MYO5A: variants seen among roughly 807,000 people sequenced by gnomAD.
The protein encoded by MYO5A is myosin VA.
In MYO5A, 98 loss-of-function variants were observed where a neutral mutation model predicts 249.7. The observed-to-expected ratio is 0.39, with a 90% CI of 0.33 to 0.46. The LOEUF (loss-of-function observed/expected upper bound fraction) is 0.46. Among genes scored for constraint, MYO5A ranks in the 20% least tolerant of loss-of-function variants. The pLI is 0.98. For missense variants in MYO5A, 1,696 were observed against 2,308.8 expected (o/e 0.73, Z 5.44); for synonymous variants, 778 against 810.6 (o/e 0.96, Z 0.68).
chr15:52,405,295 T>C lies in MYO5A; in HGVS notation c.1045A>G (p.Thr349Ala), dbSNP rs770589752. 1.9e-6 allele frequency: 3 copies of C among 1,609,448 alleles called. No individual in the cohort carries two copies. The highest frequency in any genetic ancestry group is 2.6e-6 in the Non-Finnish European group (3 of 1,175,744). ...GFTSRDADSC[T>A]IPPKHEPLCI... ...GCTTATTCTGAACTTACAGGTATTG[T>C]GCAGCTGTCTGCATCTCGGGATGTA... Residue 349 changes from threonine to alanine, a missense_variant, in exon 9 of 42, where the codon ACA becomes GCA. Physicochemically the swap from Thr to Ala is moderately conservative, Grantham distance 58. Coordinates refer to ENST00000399233, the MANE Select transcript of MYO5A (RefSeq NM_001382347.1).
chr15:52,399,372 A>C (rs2042640750), intron 9 of MYO5A, among the ~76,000 whole-genome samples: 3 of 152,172 alleles, frequency 2.0e-5, no homozygotes, highest in Non-Finnish European at 4.4e-5. Context: ...ATCGTACCTC[A>C]CTGTAGCCTC....
intron 5 of MYO5A, among the ~76,000 whole-genome samples, chr15:52,413,624 C>T (rs545724176): frequency 6.6e-6 from 1 of 152,058 alleles, no homozygotes; most frequent in Non-Finnish European, 1.5e-5. Flanking sequence ...AGTATTGAAG[C>T]GATTTAAAGC....
intron 25 of MYO5A, among the ~76,000 whole-genome samples, chr15:52,359,131 T>G (rs2040395270): frequency 6.6e-6 from 1 of 152,200 alleles, no homozygotes; most frequent in Non-Finnish European, 1.5e-5. Context: ...TTCTTCAAAA[T>G]TAACAGAATG....
chr15:52,473,950 G>A (rs2076534288), intron 1 of MYO5A, among the ~76,000 whole-genome samples: 1 of 152,140 alleles, frequency 6.6e-6, no homozygotes, highest in Admixed American at 6.6e-5. Flanking sequence ...TAGCTTGATG[G>A]GGATGGCATT....
chr15:52,415,919 G>T (rs2043461163), intron 5 of MYO5A: 3 of 574,696 alleles, frequency 5.2e-6, no homozygotes, highest in Non-Finnish European at 6.0e-6. Context: ...AAAAATTCAG[G>T]ATTATAGACT....
chr15:52,341,688 A>G (rs2039389867), intron 31 of MYO5A, among the ~76,000 whole-genome samples: 1 of 152,186 alleles, frequency 6.6e-6, no homozygotes, highest in African/African-American at 2.4e-5. Flanking sequence ...AAAACATTTC[A>G]AAAAGATCTG....
In MYO5A at chr15:52,308,030, T is replaced by G. The variant is rs942559955; in HGVS notation, c.*5666A>C. 6.6e-6 allele frequency: 1 copy of G among 152,198 alleles called. No individual in the cohort carries two copies. Among genetic ancestry groups the G allele is most frequent in the Non-Finnish European group, 1.5e-5 (1 of 68,020 alleles). The allele number at this position is 152,198 out of a possible 1,614,324, so 9.4% of individuals were successfully genotyped here. A position where few individuals can be genotyped will look rare whatever the true frequency, so the allele number is the denominator to read the frequency against. ...TTTTATAACATGATAACAATAAGAT[T>G]TGAAACTGCTGACTCTGAAAAATGC... On this transcript the variant is annotated 3_prime_UTR_variant, in exon 42 of 42. Coordinates refer to ENST00000399233, the MANE Select transcript of MYO5A (RefSeq NM_001382347.1).
At chr15:52,391,576 T>G (rs1284732298) in intron 12 of MYO5A, among the ~76,000 whole-genome samples, 1 of 152,234 alleles carries the variant, frequency 6.6e-6, no homozygotes, top group African/African-American at 2.4e-5. Context: ...TTATAACTAT[T>G]TAGAACTGTT....
intron 1 of MYO5A, chr15:52,435,542 G>T: frequency 2.4e-6 from 1 of 417,490 alleles, no homozygotes; most frequent in East Asian, 7.1e-5. Context: ...CTCTCAAGGT[G>T]CTGGGATTAC....
At chr15:52,338,587 A>C (rs2039233377) in intron 32 of MYO5A, among the ~76,000 whole-genome samples, 1 of 152,188 alleles carries the variant, frequency 6.6e-6, no homozygotes, top group Admixed American at 6.5e-5. Context: ...TCCTGTACTT[A>C]TGTTTGAATC....
intron 14 of MYO5A, among the ~76,000 whole-genome samples, chr15:52,385,966 C>CA (rs2041956724): frequency 6.6e-6 from 1 of 152,136 alleles, no homozygotes; most frequent in Non-Finnish European, 1.5e-5. Context: ...ACTAAGGACT[C>CA]AAAAGCCAAT....
At chr15:52,364,984 A>C (rs1395390453) in intron 23 of MYO5A, among the ~76,000 whole-genome samples, 2 of 152,210 alleles carry the variant, frequency 1.3e-5, no homozygotes, top group Non-Finnish European at 2.9e-5. Context: ...AACTTCCACT[A>C]GTCAGTCACT....
intron 22 of MYO5A, among the ~76,000 whole-genome samples, chr15:52,369,041 AAAC>A (rs1567058802): frequency 2.0e-5 from 3 of 152,222 alleles, no homozygotes; most frequent in Admixed American, 6.5e-5. Flanking sequence ...TGCTGTATCA[AAAC>A]AACATTATAT....
chr15:52,349,979 C>A (rs988182886), intron 28 of MYO5A, among the ~76,000 whole-genome samples: 1 of 152,256 alleles, frequency 6.6e-6, no homozygotes, highest in African/African-American at 2.4e-5. Flanking sequence ...ATCGCCCAGG[C>A]GGGAGCGCAG....
At chr15:52,474,634 C>T (rs2076551065) in intron 1 of MYO5A, among the ~76,000 whole-genome samples, 1 of 152,086 alleles carries the variant, frequency 6.6e-6, no homozygotes, top group African/African-American at 2.4e-5. Context: ...TTTTCTGCAT[C>T]TATTGAGATA....
In MYO5A at chr15:52,351,374, A is replaced by T; in HGVS notation, c.3729T>A (p.Pro1243=). The part of the protein sequence containing the change: ...SAPEVTAPGA[P]AYRVLMEQLT... The stretch of plus-strand genomic sequence containing the variant: ...GCTGCTCCATGAGGACACGGTAGGC[A>T]GGTGCACCTGGGGCGGTCACCTCTG... Residue 1243 remains proline (P), a synonymous_variant, in exon 28 of 42, where the codon CCT becomes CCA. Transcript: ENST00000399233. The T allele has an allele frequency of 6.2e-7, 1 of 1,614,198 alleles. No individual in the cohort carries two copies. Among genetic ancestry groups the T allele is most frequent in the Non-Finnish European group, 8.5e-7 (1 of 1,180,022 alleles).
intron 9 of MYO5A, among the ~76,000 whole-genome samples, chr15:52,400,485 C>T (rs1448409613): frequency 6.6e-6 from 1 of 152,156 alleles, no homozygotes; most frequent in African/African-American, 2.4e-5. Context: ...CCTAACAGTG[C>T]TCTCTACAAA....
intron 25 of MYO5A, among the ~76,000 whole-genome samples, chr15:52,357,513 T>C (rs769389654): frequency 6.7e-6 from 1 of 149,834 alleles, no homozygotes; most frequent in Non-Finnish European, 1.5e-5. Flanking sequence ...GCTAATACTA[T>C]ATAAACAACT....
intron 1 of MYO5A, among the ~76,000 whole-genome samples, chr15:52,447,004 A>G (rs2075905587): frequency 6.6e-6 from 1 of 152,146 alleles, no homozygotes; most frequent in Non-Finnish European, 1.5e-5. Context: ...TTCTGAGTTA[A>G]TAGTAGAATG....
Sources: gnomAD v4.1 joint callset for allele counts (sites outside exome capture counted in the v4.1 genomes callset) on GRCh38, gnomAD v4.1.1 for gene constraint, MANE v1.5 for transcripts, NCBI Gene and HGNC (gene_info 2026-07-23, HGNC 2026-07-21) for gene names.